Variants in NELL1 observed in about 807,000 individuals in gnomAD.
The protein encoded by NELL1 is protein kinase C-binding protein NELL1.
A neutral mutation model predicts 107.4 loss-of-function variants in NELL1; 76 were observed. The ratio of observed to expected loss-of-function variants is 0.71; its 90% CI spans 0.59 to 0.86. The LOEUF (loss-of-function observed/expected upper bound fraction) is 0.86, where lower values mean the gene tolerates loss of function less well. NELL1 is among the 40% of genes least tolerant of loss of function. The pLI, the probability that NELL1 is intolerant of heterozygous loss-of-function variation, is 0.00. For missense variants in NELL1, 1,024 were observed against 1,005.5 expected, an observed-to-expected ratio of 1.02 and a Z score of -0.25; for synonymous variants, 353 against 341.2, an observed-to-expected ratio of 1.03 and a Z score of -0.38.
At chr11:21,296,127 C>A (rs1448012349) in intron 14 of NELL1, among the ~76,000 whole-genome samples, 1 of 151,826 alleles carries the variant, frequency 6.6e-6, no homozygotes, top group South Asian at 2.1e-4. Flanking sequence ...CCTTTCTATC[C>A]CTCATAAAAA....
intron 15 of NELL1, among the ~76,000 whole-genome samples, chr11:21,449,482 A>T (rs537004531): frequency 2.3e-3 from 355 of 152,256 alleles, no homozygotes; most frequent in African/African-American, 8.1e-3. Context: ...GACATATGAA[A>T]ATATCTGCAG....
chr11:21,389,767 A>G (rs141548412), intron 15 of NELL1, among the ~76,000 whole-genome samples: 9 of 151,846 alleles, frequency 5.9e-5, no homozygotes, highest in Admixed American at 2.6e-4. Context: ...GTTATTTCTC[A>G]CTGTGGAATA....
At chr11:21,243,088 C>A (rs1858403640) in intron 14 of NELL1, among the ~76,000 whole-genome samples, 1 of 152,020 alleles carries the variant, frequency 6.6e-6, no homozygotes, top group African/African-American at 2.4e-5. Context: ...TTTTCTATCA[C>A]CCTACTCATT....
chr11:21,138,325 C>T (rs1855790143), intron 13 of NELL1, among the ~76,000 whole-genome samples: 1 of 152,126 alleles, frequency 6.6e-6, no homozygotes, highest in African/African-American at 2.4e-5. Flanking sequence ...GATATGATGA[C>T]ACTCATAATG....
intron 15 of NELL1, among the ~76,000 whole-genome samples, chr11:21,403,568 G>A (rs1435669391): frequency 6.7e-6 from 1 of 149,486 alleles, no homozygotes; most frequent in East Asian, 2.0e-4. Context: ...CTTACATCCT[G>A]GTTCTTCTAG....
intron 12 of NELL1, among the ~76,000 whole-genome samples, chr11:21,101,935 C>T (rs1303232444): frequency 3.9e-5 from 6 of 152,140 alleles, no homozygotes; most frequent in African/African-American, 1.4e-4. Context: ...GTGGCGTGAT[C>T]TTGGCCTCCC....
chr11:21,358,278 A>G (rs1360462789), intron 14 of NELL1, among the ~76,000 whole-genome samples: 1 of 152,218 alleles, frequency 6.6e-6, no homozygotes, highest in Non-Finnish European at 1.5e-5. Flanking sequence ...ATCCATGAGC[A>G]TAGGATGTGT....
chr11:21,194,968 C>T (rs1205863028), intron 13 of NELL1, among the ~76,000 whole-genome samples: 4 of 152,122 alleles, frequency 2.6e-5, no homozygotes, highest in Non-Finnish European at 5.9e-5. Flanking sequence ...AATGCCTGTT[C>T]ATAGCAGGTT....
chr11:20,729,477 T>C (rs1855581858), intron 2 of NELL1, among the ~76,000 whole-genome samples: 2 of 152,190 alleles, frequency 1.3e-5, no homozygotes, highest in South Asian at 4.1e-4. Context: ...TTGAGTTATG[T>C]CCCTTTGATA....
chr11:21,246,657 T>C (rs1858500372), intron 14 of NELL1, among the ~76,000 whole-genome samples: 1 of 152,210 alleles, frequency 6.6e-6, no homozygotes, highest in African/African-American at 2.4e-5. Flanking sequence ...GAGGCAATTA[T>C]AACACAATGG....
At chr11:21,110,752 G>GT (rs546792618) in intron 12 of NELL1, among the ~76,000 whole-genome samples, 4 of 152,156 alleles carry the variant, frequency 2.6e-5, no homozygotes, top group Non-Finnish European at 2.9e-5. Flanking sequence ...CAGTGTGGCT[G>GT]TATCTCTGTG....
At chr11:21,111,059 G>A (rs1309518408) in intron 12 of NELL1, among the ~76,000 whole-genome samples, 1 of 152,054 alleles carries the variant, frequency 6.6e-6, no homozygotes, top group African/African-American at 2.4e-5. Context: ...TTTCTGTCTG[G>A]TAGGTTATTG....
intron 15 of NELL1, among the ~76,000 whole-genome samples, chr11:21,398,541 G>A (rs1852029905): frequency 1.3e-5 from 2 of 151,572 alleles, no homozygotes; most frequent in Non-Finnish European, 3.0e-5. Context: ...GTCAGGAGGA[G>A]GATCAAAGTA....
At chr11:20,805,321 A>G (rs1356651716) in intron 3 of NELL1, among the ~76,000 whole-genome samples, 2 of 152,144 alleles carry the variant, frequency 1.3e-5, no homozygotes, top group African/African-American at 2.4e-5. Flanking sequence ...AAGCATCATT[A>G]ACTGTGTTCC....
At chr11:21,474,711 C>T (rs1854279045) in intron 15 of NELL1, among the ~76,000 whole-genome samples, 1 of 151,746 alleles carries the variant, frequency 6.6e-6, no homozygotes, top group African/African-American at 2.4e-5. Context: ...TCTTTTTTTC[C>T]ACAATGCCTC....
intron 2 of NELL1, among the ~76,000 whole-genome samples, chr11:20,766,655 A>G (rs1177847862): frequency 1.3e-5 from 2 of 151,968 alleles, no homozygotes; most frequent in African/African-American, 4.8e-5. Flanking sequence ...TTCTCTCTCA[A>G]TCTTTGACTG....
rs149968584 is a variant in NELL1, at chr11:21,083,572, A to C, written c.1301-30017A>C. On this transcript the variant is annotated intron_variant, in intron 12 of 19. Transcript: ENST00000357134. Reference sequence around the variant, plus strand: ...CACAGGGTGAGTGGAAGGACCATTCACACAGATCTTGAATGCTAAAATAAC... The same window carrying C: ...CACAGGGTGAGTGGAAGGACCATTCCCACAGATCTTGAATGCTAAAATAAC... Among the ~76,000 whole-genome samples, 942 of 152,298 alleles carry C rather than the reference A, an allele frequency of 6.2e-3. 12 individuals carry two copies. The highest frequency in any genetic ancestry group is 0.021 in the African/African-American group (860 of 41,564).
At chr11:20,746,589 CA>C (rs1856008864) in intron 2 of NELL1, among the ~76,000 whole-genome samples, 1 of 151,598 alleles carries the variant, frequency 6.6e-6, no homozygotes, top group African/African-American at 2.4e-5. Context: ...CACACACACA[CA>C]CACACACACA....
At chr11:20,925,392 T>A (rs1850472452) in intron 7 of NELL1, among the ~76,000 whole-genome samples, 1 of 151,668 alleles carries the variant, frequency 6.6e-6, no homozygotes, top group East Asian at 1.9e-4. Flanking sequence ...GAGATTCTCA[T>A]GTCTCAGCCT....
Sources: allele counts gnomAD v4.1 joint callset (sites outside exome capture counted in the v4.1 genomes callset), GRCh38; gene constraint gnomAD v4.1.1; transcripts MANE v1.5; gene names NCBI Gene and HGNC (gene_info 2026-07-23, HGNC 2026-07-21).